The following DLGAP3 variants were observed in gnomAD, a reference collection of about 807,000 sequenced individuals.
The protein encoded by DLGAP3 is disks large-associated protein 3.
A neutral mutation model predicts 81.2 loss-of-function variants in DLGAP3; 17 were observed. The ratio of observed to expected loss-of-function variants is 0.21; its 90% CI spans 0.14 to 0.31. The LOEUF (loss-of-function observed/expected upper bound fraction) is 0.31, where lower values mean the gene tolerates loss of function less well. Ranked by LOEUF, DLGAP3 falls within the 10% of genes least tolerant of loss-of-function variation. The pLI is 1.00. For missense variants in DLGAP3, 1,124 were observed against 1,388.0 expected (o/e 0.81, Z 3.02); for synonymous variants, 577 against 587.4 (o/e 0.98, Z 0.26).
At chr1:34,910,856 A>T (rs1639628875) in intron 1 of DLGAP3, among the ~76,000 whole-genome samples, 1 of 152,224 alleles carries the variant, frequency 6.6e-6, no homozygotes, top group Non-Finnish European at 1.5e-5. Flanking sequence ...ACATAAGTGC[A>T]GGAATTTTAT....
chr1:34,911,030 C>CCCG (rs1055334655), intron 1 of DLGAP3, among the ~76,000 whole-genome samples: 11 of 150,644 alleles, frequency 7.3e-5, no homozygotes, highest in Non-Finnish European at 1.5e-4. Context: ...CCACCCCCCC[C>CCCG]CCACCACCTT....
In DLGAP3 at chr1:34,899,653, C is replaced by G; in HGVS notation, c.1386+16G>C. On this transcript the variant is annotated intron_variant, in intron 5 of 11. Coordinates refer to ENST00000373347, the MANE Select transcript of DLGAP3 (RefSeq NM_001080418.3). ...TTTTTCACTCTTTCCTCCAGGCATA[C>G]TGGGCCTCTCCCTACCTGTCCAGTG... 1.2e-6 allele frequency: 2 copies of G among 1,606,706 alleles called. No homozygotes were observed. Among genetic ancestry groups the G allele is most frequent in the Non-Finnish European group, 1.7e-6 (2 of 1,173,318 alleles).
Position 34,926,110 on chromosome 1 carries a change from G to A in DLGAP3, c.-135+3341C>T, listed in dbSNP as rs191468942. On this transcript the variant is annotated intron_variant, in intron 1 of 11. Coordinates refer to ENST00000373347, the MANE Select transcript of DLGAP3 (RefSeq NM_001080418.3). ...GTGTTTTCACATGTTAACAGCCCAC[G>A]CAATCATATGCAAGCCTATGTAACC... Among the ~76,000 whole-genome samples, 6 of 152,272 alleles carry A rather than the reference G, an allele frequency of 3.9e-5. No individual in the cohort carries two copies. In the East Asian group the frequency reaches 5.8e-4, roughly 15 times the overall value.
rs541046831 is a variant in DLGAP3, at chr1:34,868,786, G to C, written c.2304C>G (p.Ala768=). 1 of 1,585,060 alleles carries C rather than the reference G, an allele frequency of 6.3e-7. No homozygotes were observed. Among genetic ancestry groups the C allele is most frequent in the Non-Finnish European group, 8.5e-7 (1 of 1,169,912 alleles). Residue 768 remains alanine (A), a synonymous_variant, in exon 9 of 12, where the codon GCC becomes GCG. Coordinates refer to ENST00000373347, the MANE Select transcript of DLGAP3 (RefSeq NM_001080418.3). The surrounding 1 kb of genome is among the most constrained non-coding windows in gnomAD (Gnocchi z 7.5). The stretch of plus-strand genomic sequence containing the variant: ...GCTCTATCCAGGAGTCACGGCGGCC[G>C]GCCCCAGGGCCGGGGGTGGGGGCGG... The part of the protein sequence containing the change: ...PAPAPTPGPG[A]GRRDSWIERG...
chr1:34,886,062 G>C lies in DLGAP3; in HGVS notation c.1600+10C>G. 6.3e-7 allele frequency: 1 copy of C among 1,592,566 alleles called. No homozygotes were observed. Among genetic ancestry groups the C allele is most frequent in the Non-Finnish European group, 8.5e-7 (1 of 1,171,230 alleles). ...CTAGGGCCGGGCCAGGGGCAGGAAG[G>C]TGTACTCACAGGAGCCGGGCCTCCC... On this transcript the variant is annotated intron_variant, in intron 6 of 11. Coordinates refer to ENST00000373347, the MANE Select transcript of DLGAP3 (RefSeq NM_001080418.3).
intron 1 of DLGAP3, among the ~76,000 whole-genome samples, chr1:34,908,506 G>T (rs964268877): frequency 6.6e-6 from 1 of 151,678 alleles, no homozygotes; most frequent in Admixed American, 6.5e-5. Context: ...ATGGCAAATA[G>T]TGGGAATAGG....
At chr1:34,922,381 C>T (rs769656851) in intron 1 of DLGAP3, among the ~76,000 whole-genome samples, 1 of 152,170 alleles carries the variant, frequency 6.6e-6, no homozygotes, top group Non-Finnish European at 1.5e-5. Flanking sequence ...ATCGGTCTCT[C>T]TCTTTCTTAC....
Position 34,905,013 on chromosome 1 carries a change from T to C in DLGAP3, c.371A>G (p.Gln124Arg). The change falls in exon 3 of 12, where the codon CAG becomes CGG. Residue 124 changes from glutamine (Q) to arginine (R), a missense_variant. Around this residue, in one of 9 missense-constraint regions of DLGAP3, gnomAD observed 167 missense variants for 172.1 expected, o/e 0.97. Transcript: ENST00000373347. ...TTGAACTGGCAACTGCTTTTCAAACTGATCCAGGAGTGTAGGAGGCAGGCG... is the reference window on the plus strand; with the variant it reads ...TTGAACTGGCAACTGCTTTTCAAACCGATCCAGGAGTGTAGGAGGCAGGCG... The part of the protein sequence containing the change: ...APRLPPTLLD[Q>R]FEKQLPVQQD... 6.2e-7 allele frequency: 1 copy of C among 1,611,670 alleles called. No homozygotes were observed. Among genetic ancestry groups the C allele is most frequent in the South Asian group, 1.1e-5 (1 of 90,722 alleles).
intron 8 of DLGAP3, among the ~76,000 whole-genome samples, chr1:34,875,697 A>T (rs776642853): frequency 1.1e-4 from 17 of 152,208 alleles, no homozygotes; most frequent in Non-Finnish European, 2.2e-4. Context: ...GCATCCTTTT[A>T]TCATGGCCCA....
At chr1:34,927,280 G>C (rs1271514950) in intron 1 of DLGAP3, among the ~76,000 whole-genome samples, 2 of 152,212 alleles carry the variant, frequency 1.3e-5, no homozygotes, top group Non-Finnish European at 2.9e-5. Context: ...TTCAGGAATA[G>C]AAGGCAACAT....
chr1:34,897,325 G>A (rs1639394659), intron 5 of DLGAP3, among the ~76,000 whole-genome samples: 1 of 152,208 alleles, frequency 6.6e-6, no homozygotes, highest in Non-Finnish European at 1.5e-5. Context: ...CCTCAACAAT[G>A]ACAGTACAGG....
chr1:34,874,385 G>T (rs1639020441), intron 8 of DLGAP3, among the ~76,000 whole-genome samples: 1 of 152,280 alleles, frequency 6.6e-6, no homozygotes, highest in South Asian at 2.1e-4. Flanking sequence ...TGAATTTTTA[G>T]AATAGTGAAG....
chr1:34,882,520 T>TG (rs1639161977), intron 8 of DLGAP3, among the ~76,000 whole-genome samples: 1 of 152,152 alleles, frequency 6.6e-6, no homozygotes, highest in Non-Finnish European at 1.5e-5. Context: ...AACCTAACAG[T>TG]GCTACCACAC....
At position 34,904,570 on chromosome 1, in the gene DLGAP3, C is replaced by T. The variant is rs374194309; in HGVS notation, c.814G>A (p.Gly272Ser). 10 of 1,614,044 alleles carry T rather than the reference C, an allele frequency of 6.2e-6. No individual in the cohort carries two copies. The African/African-American group carries it at 6.7e-5, about 11-fold the overall frequency. The change falls in exon 3 of 12, where the codon GGC becomes AGC. Residue 272 changes from glycine (G) to serine (S), a missense_variant. Physicochemically the swap from Gly to Ser is moderately conservative, Grantham distance 56. Coordinates refer to ENST00000373347, the MANE Select transcript of DLGAP3 (RefSeq NM_001080418.3). This position sits in a 1 kb window ranked among gnomAD's most constrained non-coding sequence, Gnocchi z 8.1. ...SSDDNLDSDS[G>S]FLAGGRPPGE... ...GGGGGCCTCCCACCCGCCAGGAAGC[C>T]GCTATCACTGTCCAAGTTGTCATCG... is the stretch of plus-strand genomic sequence containing the variant.
chr1:34,921,551 A>G (rs953624314), intron 1 of DLGAP3, among the ~76,000 whole-genome samples: 6 of 152,218 alleles, frequency 3.9e-5, no homozygotes, highest in Admixed American at 2.6e-4. Context: ...ATTTGGTTCC[A>G]GGTCCTTTGC....
intron 1 of DLGAP3, among the ~76,000 whole-genome samples, chr1:34,928,507 A>G (rs893849863): frequency 2.1e-5 from 3 of 140,658 alleles, no homozygotes; most frequent in Non-Finnish European, 3.1e-5. Flanking sequence ...GTGAAGGTAG[A>G]GACCAAGCTG....
At chr1:34,905,607 T>C (rs1016474524) in intron 2 of DLGAP3, among the ~76,000 whole-genome samples, 173 bp from the exon 3 acceptor site, 4 of 152,120 alleles carry the variant, frequency 2.6e-5, no homozygotes, top group South Asian at 2.1e-4. Flanking sequence ...ATAATAGACA[T>C]AGACACTCAA....
Position 34,900,347 on chromosome 1 carries a change from C to G in DLGAP3, c.1108-74G>C. ...AGAGGCCAGGACTCTTTCCCCACTGCCAGTGGGAGATGCCCTGCCCTGGCT... is the reference window on the plus strand; with the variant it reads ...AGAGGCCAGGACTCTTTCCCCACTGGCAGTGGGAGATGCCCTGCCCTGGCT... On this transcript the variant is annotated intron_variant, in intron 3 of 11. Transcript: ENST00000373347. The surrounding 1 kb of genome is among the most constrained non-coding windows in gnomAD (Gnocchi z 5.6). The G allele has an allele frequency of 3.4e-6, 5 of 1,470,338 alleles. No homozygotes were observed. Among genetic ancestry groups the G allele is most frequent in the Non-Finnish European group, 4.7e-6 (5 of 1,056,668 alleles). The allele number at this position is 1,470,338 out of a possible 1,614,324, so 91.1% of individuals were successfully genotyped here. A position where few individuals can be genotyped will look rare whatever the true frequency, so the allele number is the denominator to read the frequency against.
At chr1:34,920,050 CCCACCCCCA>C (rs2148420162) in intron 1 of DLGAP3, among the ~76,000 whole-genome samples, 1 of 152,188 alleles carries the variant, frequency 6.6e-6, no homozygotes, top group Non-Finnish European at 1.5e-5. Flanking sequence ...AGTATGCTGT[CCCACCCCCA>C]CCACATCTGG....
Sources: gnomAD v4.1 joint callset for allele counts (sites outside exome capture counted in the v4.1 genomes callset) on GRCh38, gnomAD v4.1.1 for gene constraint, gnomAD v4.1.1 regional missense constraint, Gnocchi (gnomAD v3.1) non-coding constraint, MANE v1.5 for transcripts, NCBI Gene and HGNC (gene_info 2026-07-23, HGNC 2026-07-21) for gene names.